Variants in PDE7B observed in about 807,000 individuals in gnomAD.
PDE7B encodes the protein phosphodiesterase 7B, also known as 3',5'-cyclic-AMP phosphodiesterase 7B.
In PDE7B, 29 loss-of-function variants were observed where a neutral mutation model predicts 56.2. The ratio of observed to expected loss-of-function variants is 0.52; its 90% CI spans 0.38 to 0.70. PDE7B has a LOEUF of 0.70. Among genes scored for constraint, PDE7B ranks in the 30% least tolerant of loss-of-function variants. The pLI is 0.00. For missense variants in PDE7B, 490 were observed against 565.0 expected, an observed-to-expected ratio of 0.87 and a Z score of 1.35; for synonymous variants, 197 against 196.9, an observed-to-expected ratio of 1.00 and a Z score of 0.00.
rs760808879 is a variant in PDE7B, at chr6:135,998,586, C to G, written c.82+51062C>G. ...CCTGGCTAACACGGTGAAACCCTGT[C>G]TCTACTAAAAATACAAAAAATTAGC... is the stretch of plus-strand genomic sequence containing the variant. On this transcript the variant is annotated intron_variant, in intron 2 of 12. Coordinates refer to ENST00000308191, the MANE Select transcript of PDE7B (RefSeq NM_018945.4). 2.3e-4 allele frequency among the ~76,000 whole-genome samples: 35 copies of G among 152,012 alleles called. 1 individual carries two copies. The highest frequency in any genetic ancestry group is 8.3e-4 in the South Asian group (4 of 4,800).
chr6:136,058,901 C>T lies in PDE7B; in HGVS notation c.83-49830C>T, dbSNP rs181390288. ...GGGGGGAAAAAAGTGATTTATATAA[C>T]GAATAGTTTAATAGAAAGTAAGCCT... is the stretch of plus-strand genomic sequence containing the variant. On this transcript the variant is annotated intron_variant, in intron 2 of 12. Coordinates refer to ENST00000308191, the MANE Select transcript of PDE7B (RefSeq NM_018945.4). Among the ~76,000 whole-genome samples, 16 of 152,118 alleles carry T rather than the reference C, an allele frequency of 1.1e-4. 1 individual carries two copies. The East Asian group carries it at 1.5e-3, about 15-fold the overall frequency.
intron 1 of PDE7B, among the ~76,000 whole-genome samples, chr6:135,925,100 T>C (rs1200263921): frequency 3.3e-5 from 5 of 151,396 alleles, no homozygotes; most frequent in African/African-American, 1.2e-4. Flanking sequence ...TGTCTCAAGA[T>C]ATTATTCAAT....
intron 2 of PDE7B, among the ~76,000 whole-genome samples, chr6:136,104,752 T>TA (rs1777620085): frequency 6.6e-6 from 1 of 152,240 alleles, no homozygotes; most frequent in African/African-American, 2.4e-5. Context: ...TTAGCATACT[T>TA]ACAATTGTCC....
At chr6:135,902,345 C>CT (rs1776018224) in intron 1 of PDE7B, among the ~76,000 whole-genome samples, 1 of 132,570 alleles carries the variant, frequency 7.5e-6, no homozygotes, top group African/African-American at 2.8e-5. Flanking sequence ...TTTTTTTTTT[C>CT]TTTTTTTAAA....
intron 1 of PDE7B, among the ~76,000 whole-genome samples, chr6:135,893,769 C>T (rs961024413): frequency 1.3e-5 from 2 of 152,162 alleles, no homozygotes; most frequent in Non-Finnish European, 2.9e-5. Flanking sequence ...ATTGTAGACT[C>T]TCTGAATTGA....
At chr6:135,977,921 TATA>T (rs891294742) in intron 2 of PDE7B, among the ~76,000 whole-genome samples, 45 of 152,124 alleles carry the variant, frequency 3.0e-4, no homozygotes, top group African/African-American at 9.7e-4. Context: ...AGAACAATAC[TATA>T]ATTCATGAGT....
chr6:136,003,839 C>A (rs1467124743), intron 2 of PDE7B, among the ~76,000 whole-genome samples: 2 of 152,202 alleles, frequency 1.3e-5, no homozygotes, highest in African/African-American at 2.4e-5. Flanking sequence ...GGAATCTTCC[C>A]TAACTCATTT....
intron 2 of PDE7B, among the ~76,000 whole-genome samples, chr6:136,104,575 C>A (rs187557212): frequency 1.3e-4 from 20 of 152,150 alleles, no homozygotes; most frequent in Admixed American, 1.2e-3. Flanking sequence ...AGAACAGGCT[C>A]CTTAAAGCAG....
At chr6:136,005,404 A>C (rs1775761702) in intron 2 of PDE7B, among the ~76,000 whole-genome samples, 1 of 152,132 alleles carries the variant, frequency 6.6e-6, no homozygotes. Context: ...AACTACCATC[A>C]GAGTGAACAG....
At chr6:136,123,101 C>CA (rs11409975) in intron 3 of PDE7B, among the ~76,000 whole-genome samples, 152,341 of 152,342 alleles carry the variant, frequency 1, 76,170 homozygotes, top group Middle Eastern at 1. Context: ...TGGCTAATCC[C>CA]GCACTTTGGG....
chr6:136,105,429 G>A (rs1391027298), intron 2 of PDE7B, among the ~76,000 whole-genome samples: 1 of 152,198 alleles, frequency 6.6e-6, no homozygotes, highest in Non-Finnish European at 1.5e-5. Flanking sequence ...AGCTCTATGA[G>A]TCTGAACAAA....
intron 1 of PDE7B, among the ~76,000 whole-genome samples, chr6:135,895,040 A>T (rs1407581887): frequency 6.6e-6 from 1 of 152,042 alleles, no homozygotes; most frequent in African/African-American, 2.4e-5. Flanking sequence ...ATTAATAATA[A>T]ATTTCTATAA....
chr6:136,024,885 G>T (rs932997260), intron 2 of PDE7B, among the ~76,000 whole-genome samples: 1 of 152,174 alleles, frequency 6.6e-6, no homozygotes, highest in African/African-American at 2.4e-5. Context: ...AGATAAGAAA[G>T]TTGCAACAAC....
chr6:136,187,245 G>A, intron 12 of PDE7B, 129 bp downstream of exon 12: 1 of 609,780 alleles, frequency 1.6e-6, no homozygotes, highest in South Asian at 2.2e-5. Flanking sequence ...CTTTTGAATG[G>A]CTGAGTCCAA....
At chr6:135,928,752 A>G (rs552416770) in intron 1 of PDE7B, among the ~76,000 whole-genome samples, 28 of 151,874 alleles carry the variant, frequency 1.8e-4, no homozygotes, top group African/African-American at 6.5e-4. Flanking sequence ...GGAGCTAAAC[A>G]TTTAATATGC....
intron 2 of PDE7B, among the ~76,000 whole-genome samples, chr6:136,099,717 G>A (rs1488961790): frequency 3.3e-5 from 5 of 152,116 alleles, no homozygotes; most frequent in Non-Finnish European, 7.3e-5. Flanking sequence ...CTCCCATTCT[G>A]TAGGTTGCCT....
chr6:136,070,097 T>C (rs1016394071), intron 2 of PDE7B: 11 of 151,718 alleles, frequency 7.3e-5, no homozygotes, highest in Admixed American at 5.9e-4. Context: ...AACTCAACTA[T>C]ATTCAACTGT....
At chr6:136,026,442 C>A (rs564212271) in intron 2 of PDE7B, among the ~76,000 whole-genome samples, 1 of 152,130 alleles carries the variant, frequency 6.6e-6, no homozygotes, top group African/African-American at 2.4e-5. Context: ...TGTAATCCTG[C>A]CATGAAGAAC....
At position 136,192,044 on chromosome 6, in the gene PDE7B, C is replaced by T. The variant is rs970595410; in HGVS notation, c.*204C>T. The T allele has an allele frequency of 8.6e-6, 5 of 583,424 alleles. No individual in the cohort carries two copies. The highest frequency in any genetic ancestry group is 1.5e-5 in the Non-Finnish European group (5 of 325,512). 36.1% of individuals were successfully genotyped at this position (583,424 alleles called of 1,614,324 possible). A position where few individuals can be genotyped will look rare whatever the true frequency, so the allele number is the denominator to read the frequency against. On this transcript the variant is annotated 3_prime_UTR_variant, in exon 13 of 13. Coordinates refer to ENST00000308191, the MANE Select transcript of PDE7B (RefSeq NM_018945.4). Reference sequence around the variant, plus strand: ...CATTTGTCACCTCAGCATTCGCTGCCGAAATGAGCAACTCCATTCAGTAAC... The same window carrying T: ...CATTTGTCACCTCAGCATTCGCTGCTGAAATGAGCAACTCCATTCAGTAAC...
Sources: allele counts gnomAD v4.1 joint callset (sites outside exome capture counted in the v4.1 genomes callset), GRCh38; gene constraint gnomAD v4.1.1; transcripts MANE v1.5; gene names NCBI Gene and HGNC (gene_info 2026-07-23, HGNC 2026-07-21).